Variants in SYT12 observed in about 807,000 individuals in gnomAD.
SYT12 encodes synaptotagmin-12.
A neutral mutation model predicts 39.5 loss-of-function variants in SYT12; 27 were observed. The observed-to-expected ratio is 0.68, with a 90% CI of 0.50 to 0.94. The LOEUF is 0.94. Ranked by LOEUF, SYT12 falls within the 40% of genes least tolerant of loss-of-function variation. SYT12 has a pLI of 0.00. For missense variants in SYT12, 536 were observed against 572.6 expected (o/e 0.94, Z 0.65); for synonymous variants, 233 against 239.7 (o/e 0.97, Z 0.26).
chr11:67,035,501 A>G (rs571569835), intron 3 of SYT12, among the ~76,000 whole-genome samples: 6 of 122,404 alleles, frequency 4.9e-5, no homozygotes, highest in African/African-American at 1.6e-4. Flanking sequence ...TCTGTTGCCC[A>G]GGCTGGAGTG....
intron 3 of SYT12, among the ~76,000 whole-genome samples, chr11:67,015,987 A>G (rs1381280998): frequency 2.6e-5 from 4 of 152,138 alleles, no homozygotes; most frequent in South Asian, 4.1e-4. Flanking sequence ...ATACACGAAA[A>G]GATGATGGGA....
intron 1 of SYT12, chr11:67,029,214 T>C (rs1950223716): frequency 6.6e-6 from 1 of 152,352 alleles, no homozygotes; most frequent in Admixed American, 6.5e-5. Flanking sequence ...GCCTCAGTCA[T>C]TCCTAAAAGC....
At chr11:67,048,209 T>C (rs1854627975) in intron 7 of SYT12, among the ~76,000 whole-genome samples, 1 of 149,320 alleles carries the variant, frequency 6.7e-6, no homozygotes, top group African/African-American at 2.5e-5. Flanking sequence ...AGGCGGAGGT[T>C]GCAGTGAGCT....
Position 67,043,808 on chromosome 11 carries a change from G to A in SYT12, c.792G>A (p.Pro264=), listed in dbSNP as rs746026201. 37 of 1,613,934 alleles carry A rather than the reference G, an allele frequency of 2.3e-5. No homozygotes were observed. In the East Asian group the frequency reaches 4.5e-4, roughly 19 times the overall value. Residue 264 remains proline (P), a synonymous_variant, in exon 5 of 8, where the codon CCG becomes CCA. Transcript: ENST00000527043. ...VELKLSVLDL[P]LQPFSGWLYL... Reference sequence around the variant, plus strand: ...TGAAGCTTTCTGTGCTTGACCTCCCGCTGCAGCCCTTCAGTGGCTGGCTCT... The same window carrying A: ...TGAAGCTTTCTGTGCTTGACCTCCCACTGCAGCCCTTCAGTGGCTGGCTCT...
intron 1 of SYT12, among the ~76,000 whole-genome samples, chr11:67,023,697 G>C (rs1950142716): frequency 6.6e-6 from 1 of 152,224 alleles, no homozygotes; most frequent in Non-Finnish European, 1.5e-5. Flanking sequence ...CCCCGCATGT[G>C]CACACACGCG....
intron 1 of SYT12, among the ~76,000 whole-genome samples, chr11:67,007,913 T>C (rs1949984024): frequency 6.6e-6 from 1 of 151,884 alleles, no homozygotes; most frequent in Admixed American, 6.6e-5. Flanking sequence ...CTTTTCATTT[T>C]TGACAAGGAG....
At chr11:67,045,633 C>A in intron 6 of SYT12, 111 bp from the exon 7 acceptor site, 1 of 1,431,486 alleles carries the variant, frequency 7.0e-7, no homozygotes, top group Non-Finnish European at 9.4e-7. Context: ...TGCAGGAGGT[C>A]ACAGCAACAG....
intron 1 of SYT12, chr11:67,029,670 A>G (rs961289261): frequency 6.4e-6 from 1 of 155,692 alleles, no homozygotes; most frequent in Non-Finnish European, 1.4e-5. Flanking sequence ...CCTGGCCAAC[A>G]TGGTGAAACC....
intron 7 of SYT12, 86 bp from the exon 8 acceptor site, chr11:67,048,498 C>T (rs1041498322): frequency 2.7e-6 from 4 of 1,460,946 alleles, no homozygotes; most frequent in South Asian, 2.6e-5. Context: ...CCCACTGGGG[C>T]CTGACATTTG....
At position 67,038,073 on chromosome 11, in the gene SYT12, G is replaced by T. The variant is rs548865244; in HGVS notation, c.229-1738G>T. 7.3e-5 allele frequency among the ~76,000 whole-genome samples: 11 copies of T among 151,488 alleles called. No individual in the cohort carries two copies. The South Asian group carries it at 2.3e-3, about 32-fold the overall frequency. On this transcript the variant is annotated intron_variant, in intron 3 of 7. Transcript: ENST00000527043. ...AAAAAAAAAAATTATGGTAATGAAG[G>T]CATGGAAGATGCTTATGGAATAAAA...
intron 7 of SYT12, among the ~76,000 whole-genome samples, chr11:67,046,904 C>T (rs749553845): frequency 2.6e-5 from 4 of 152,138 alleles, no homozygotes; most frequent in East Asian, 1.9e-4. Context: ...TCTGACTGTG[C>T]GCAGGTGCCG....
chr11:67,012,953 G>C (rs945807096), intron 3 of SYT12, among the ~76,000 whole-genome samples: 3 of 141,470 alleles, frequency 2.1e-5, no homozygotes, highest in Admixed American at 2.0e-4. Flanking sequence ...TTGAAACCTG[G>C]GGGGGGTCAT....
chr11:67,009,382 C>G (rs768733357), intron 1 of SYT12, among the ~76,000 whole-genome samples: 10 of 151,938 alleles, frequency 6.6e-5, no homozygotes, highest in Non-Finnish European at 1.5e-4. Flanking sequence ...ACCTGTACCT[C>G]CCAGGCTCAA....
At chr11:67,008,154 A>G (rs895784014) in intron 1 of SYT12, among the ~76,000 whole-genome samples, 2 of 151,746 alleles carry the variant, frequency 1.3e-5, no homozygotes, top group African/African-American at 4.8e-5. Flanking sequence ...GGGTTTTGCC[A>G]TGTTTGCCAG....
At chr11:67,043,958 C>T (rs1196124474) in intron 5 of SYT12, 105 bp downstream of exon 5, 8 of 1,094,802 alleles carry the variant, frequency 7.3e-6, no homozygotes, top group Non-Finnish European at 1.1e-5. Context: ...GCCTGAGCCC[C>T]ATCATCATTA....
At chr11:67,046,652 C>T (rs1187259158) in intron 7 of SYT12, among the ~76,000 whole-genome samples, 3 of 152,246 alleles carry the variant, frequency 2.0e-5, no homozygotes, top group Non-Finnish European at 2.9e-5. Flanking sequence ...TAGCCTTCAC[C>T]TGCCACCCTC....
At chr11:67,023,033 G>T (rs1220564158), upstream of SYT12, 8 of 152,296 alleles carry the variant, frequency 5.3e-5, no homozygotes, top group Non-Finnish European at 1.2e-4. Context: ...CTGCCTCTCA[G>T]AGGCCTGTGG....
chr11:67,024,764 C>T (rs867713764), intron 1 of SYT12, among the ~76,000 whole-genome samples: 14 of 152,312 alleles, frequency 9.2e-5, no homozygotes, highest in African/African-American at 7.2e-5. Context: ...GAAAAGGTTT[C>T]AACCTAAAGA....
chr11:67,042,478 G>A (rs963309300), intron 4 of SYT12, among the ~76,000 whole-genome samples: 2 of 152,186 alleles, frequency 1.3e-5, no homozygotes, highest in African/African-American at 4.8e-5. Flanking sequence ...CAGATTGTTA[G>A]GGCATCTTAC....
Sources: gnomAD v4.1 joint callset for allele counts (sites outside exome capture counted in the v4.1 genomes callset) on GRCh38, gnomAD v4.1.1 for gene constraint, MANE v1.5 for transcripts, NCBI Gene and HGNC (gene_info 2026-07-23, HGNC 2026-07-21) for gene names.